The following MSANTD5 variants were observed in gnomAD, a reference collection of about 807,000 sequenced individuals.
MSANTD5 encodes the protein uncharacterized protein MSANTD5.
downstream of MSANTD5, among the ~76,000 whole-genome samples, chr5:178,693,608 C>T (rs1765379004): frequency 6.6e-6 from 1 of 152,044 alleles, no homozygotes; most frequent in African/African-American, 2.4e-5. Flanking sequence ...AAAGAAAGAA[C>T]AAACCTCCCA....
chr5:178,699,556 C>T (rs1387193403), upstream of MSANTD5, among the ~76,000 whole-genome samples: 3 of 151,970 alleles, frequency 2.0e-5, no homozygotes, highest in Non-Finnish European at 4.4e-5. Flanking sequence ...GGATGACAGG[C>T]GCGTGCCACC....
exon 3 of MSANTD5, chr5:178,695,568 T>C (rs1241894453): frequency 6.6e-6 from 1 of 152,180 alleles, no homozygotes; most frequent in Non-Finnish European, 1.5e-5. Flanking sequence ...ACTCCGGATT[T>C]CCTGGTCACT....
At chr5:178,703,205 C>T in the MSANTD5 span, among the ~76,000 whole-genome samples, 5 of 152,240 alleles carry the variant, frequency 3.3e-5, no homozygotes, top group Admixed American at 2.6e-4. Flanking sequence ...AGGAGTGAGG[C>T]GTGGGCACGC....
chr5:178,706,870 C>T, the MSANTD5 span: 2 of 152,250 alleles, frequency 1.3e-5, no homozygotes, highest in African/African-American at 4.8e-5. Flanking sequence ...CCCGTTATGA[C>T]TATGGACCCA....
the MSANTD5 span, among the ~76,000 whole-genome samples, chr5:178,706,401 A>G: frequency 6.6e-6 from 1 of 152,130 alleles, no homozygotes; most frequent in African/African-American, 2.4e-5. Context: ...GTCTGCTATA[A>G]CCCAGCGCTG....
chr5:178,697,347 G>C (rs201809869), intron 1 of MSANTD5, among the ~76,000 whole-genome samples: 13 of 151,956 alleles, frequency 8.6e-5, no homozygotes, highest in Admixed American at 1.3e-4. Flanking sequence ...CCAGCTACTC[G>C]GGAGGCTGAG....
At chr5:178,701,922 G>A (rs922577041), upstream of MSANTD5, among the ~76,000 whole-genome samples, 9 of 150,730 alleles carry the variant, frequency 6.0e-5, no homozygotes, top group South Asian at 4.2e-4. Context: ...TAGTAGAAAC[G>A]GGGTTTCTCC....
chr5:178,699,434 C>T (rs1413785740), upstream of MSANTD5, among the ~76,000 whole-genome samples: 1 of 148,654 alleles, frequency 6.7e-6, no homozygotes, highest in East Asian at 2.0e-4. Context: ...TTCTTTCCTT[C>T]TTTTTTTTTT....
chr5:178,698,421 A>G (rs1765442693), upstream of MSANTD5, among the ~76,000 whole-genome samples: 1 of 142,790 alleles, frequency 7.0e-6, no homozygotes, highest in Non-Finnish European at 1.5e-5. Flanking sequence ...TCAGAATCTC[A>G]GATGCAGTCC....
chr5:178,701,980 G>C (rs1265875737), upstream of MSANTD5, among the ~76,000 whole-genome samples: 1 of 150,556 alleles, frequency 6.6e-6, no homozygotes, highest in Non-Finnish European at 1.5e-5. Flanking sequence ...TGATCCACCC[G>C]CCTCGGCCTC....
chr5:178,695,203 T>C (rs940307245), intron 3 of MSANTD5, 84 bp downstream of exon 3: 8 of 152,198 alleles, frequency 5.3e-5, no homozygotes, highest in Non-Finnish European at 1.2e-4. Context: ...TTTGCTCTAC[T>C]CAGGGCACAA....
chr5:178,696,600 G>A (rs952232198), intron 1 of MSANTD5, among the ~76,000 whole-genome samples: 1 of 152,142 alleles, frequency 6.6e-6, no homozygotes, highest in African/African-American at 2.4e-5. Context: ...ACAAGGGCGC[G>A]TGGGACAGTG....
upstream of MSANTD5, among the ~76,000 whole-genome samples, chr5:178,698,595 T>C (rs537054825): frequency 6.6e-6 from 1 of 152,220 alleles, no homozygotes; most frequent in East Asian, 1.9e-4. Context: ...TTTTTTATTT[T>C]TAGAGGTAGG....
chr5:178,699,936 T>A (rs1482480370), upstream of MSANTD5, among the ~76,000 whole-genome samples: 2 of 151,696 alleles, frequency 1.3e-5, no homozygotes, highest in African/African-American at 4.9e-5. Flanking sequence ...TTTCTGTGGC[T>A]TTCCAGCACA....
At chr5:178,703,413 C>T in the MSANTD5 span, among the ~76,000 whole-genome samples, 1 of 152,166 alleles carries the variant, frequency 6.6e-6, no homozygotes, top group Non-Finnish European at 1.5e-5. Context: ...AGGATTCTTT[C>T]TAGGGCCCCT....
upstream of MSANTD5, among the ~76,000 whole-genome samples, chr5:178,699,389 G>A (rs1203533063): frequency 6.6e-6 from 1 of 151,716 alleles, no homozygotes; most frequent in Non-Finnish European, 1.5e-5. Context: ...CTCAGTGACA[G>A]CTTCTTCTCA....
chr5:178,699,619 T>C (rs2113856151), upstream of MSANTD5, among the ~76,000 whole-genome samples: 1 of 152,246 alleles, frequency 6.6e-6, no homozygotes, highest in East Asian at 1.9e-4. Context: ...CCATGTTGGC[T>C]AGGCTGGTCT....
downstream of MSANTD5, among the ~76,000 whole-genome samples, chr5:178,693,422 G>A (rs956852239): frequency 6.6e-6 from 1 of 152,088 alleles, no homozygotes; most frequent in East Asian, 1.9e-4. Context: ...AGCTCTTAAA[G>A]ATAGTGTGGC....
chr5:178,706,720 G>A, the MSANTD5 span, among the ~76,000 whole-genome samples: 737 of 151,920 alleles, frequency 4.9e-3, 8 homozygotes, highest in African/African-American at 0.017. Context: ...CTAGAGTGTC[G>A]GCTTTTATGG....
Sources: gnomAD v4.1 joint callset for allele counts (sites outside exome capture counted in the v4.1 genomes callset) on GRCh38, gnomAD v4.1.1 for gene constraint, MANE v1.5 for transcripts, NCBI Gene and HGNC (gene_info 2026-07-23, HGNC 2026-07-21) for gene names.